Variants in JCAD observed in about 807,000 individuals in gnomAD.
JCAD encodes junctional cadherin 5 associated.
Under a neutral mutation model 98.0 loss-of-function variants are expected in JCAD, and 40 were observed. That is an observed-to-expected ratio of 0.41 (90% CI 0.32 to 0.53). The LOEUF is 0.53. Among genes scored for constraint, JCAD ranks in the 20% least tolerant of loss-of-function variants. The probability of loss-of-function intolerance (pLI) is 0.31; values close to 1 mark genes in which losing one functional copy is unlikely to be tolerated. For missense variants in JCAD, 1,705 were observed against 1,738.1 expected (o/e 0.98, Z 0.34); for synonymous variants, 691 against 682.3 (o/e 1.01, Z -0.20).
intron 2 of JCAD, among the ~76,000 whole-genome samples, chr10:30,065,660 C>T (rs1048072187): frequency 6.6e-6 from 1 of 152,048 alleles, no homozygotes; most frequent in African/African-American, 2.4e-5. Context: ...ACAACCATGC[C>T]CAGCTAATTT....
intron 1 of JCAD, among the ~76,000 whole-genome samples, chr10:30,080,213 C>A (rs1233313058): frequency 2.0e-5 from 3 of 152,160 alleles, no homozygotes; most frequent in Non-Finnish European, 2.9e-5. Flanking sequence ...TTCAAAGCAC[C>A]ACTTGAATCT....
rs936290239 is a variant in JCAD, at chr10:30,014,729, T to C, written c.*3154A>G. On this transcript the variant is annotated 3_prime_UTR_variant, in exon 4 of 4. Transcript: ENST00000375377. ...TTGCTGCTGCAAAAAATGATCACAG[T>C]CTGGTTTCTGAGTCATCTGAGTTTT... The C allele has an allele frequency of 2.0e-5, 3 of 152,278 alleles. 1 individual carries two copies. Among genetic ancestry groups the C allele is most frequent in the Non-Finnish European group, 4.4e-5 (3 of 68,030 alleles). The allele number at this position is 152,278 out of a possible 1,614,324, so 9.4% of individuals were successfully genotyped here.
chr10:30,039,537 C>G (rs1218169775), intron 2 of JCAD, among the ~76,000 whole-genome samples: 1 of 152,178 alleles, frequency 6.6e-6, no homozygotes, highest in Non-Finnish European at 1.5e-5. Context: ...GATTCCCTAA[C>G]TTGAGGAAGA....
Position 30,026,263 on chromosome 10 carries a change from C to G in JCAD, c.3885G>C (p.Gln1295His), listed in dbSNP as rs200392820. Residue 1295 changes from glutamine to histidine, a missense_variant, in exon 3 of 4, where the codon CAG becomes CAC. Gln to His is a conservative substitution (Grantham distance 24). This residue lies in a region of JCAD where 1,278 missense variants were observed against 1,243.1 expected (regional missense o/e 1.03). Transcript: ENST00000375377. The stretch of plus-strand genomic sequence containing the variant: ...ACACAAGGCCTCCCGGGAGCCCGGC[C>G]TGGCCCCTTGTGGTGGCCTTCAATT... ...AEELKATTRG[Q>H]AGLPGGLVSP... The G allele has an allele frequency of 2.0e-4, 315 of 1,613,812 alleles. No homozygotes were observed. Among genetic ancestry groups the G allele is most frequent in the Non-Finnish European group, 2.2e-4 (265 of 1,180,042 alleles).
At chr10:30,047,460 A>G in intron 2 of JCAD, 72 bp downstream of exon 2, 2 of 1,507,590 alleles carry the variant, frequency 1.3e-6, no homozygotes, top group South Asian at 2.6e-5. Flanking sequence ...GATTTGAAAG[A>G]GTTTACCTAC....
At chr10:30,112,008 C>G (rs1241535171) in intron 1 of JCAD, among the ~76,000 whole-genome samples, 2 of 152,172 alleles carry the variant, frequency 1.3e-5, no homozygotes, top group Non-Finnish European at 2.9e-5. Flanking sequence ...AAAACTTGTC[C>G]ACCCATGCTC....
At chr10:30,115,289 C>A (rs570973312) in intron 1 of JCAD, 16 of 152,244 alleles carry the variant, frequency 1.1e-4, no homozygotes, top group African/African-American at 3.4e-4. Context: ...AAGCAGCTGC[C>A]GTTTTTCAGT....
intron 1 of JCAD, among the ~76,000 whole-genome samples, chr10:30,102,179 C>A (rs1341825539): frequency 6.6e-6 from 1 of 151,790 alleles, no homozygotes; most frequent in South Asian, 2.1e-4. Flanking sequence ...AATGTTTTTT[C>A]TTTTTTTGAG....
At chr10:30,086,130 TA>T (rs1187043643) in intron 1 of JCAD, among the ~76,000 whole-genome samples, 12 of 152,026 alleles carry the variant, frequency 7.9e-5, no homozygotes, top group African/African-American at 1.9e-4. Context: ...ACAATTACAT[TA>T]AAAAATTATT....
rs370987325 is a variant in JCAD at position 30,091,230 on chromosome 10, T to C, written n.129-21409A>G. 5.9e-5 allele frequency among the ~76,000 whole-genome samples: 9 copies of C among 152,302 alleles called. No homozygotes were observed. In the East Asian group the frequency reaches 1.5e-3, roughly 26 times the overall value. ...TCTGGACGAGATTCTAATAACATAA[T>C]GGAATCTCTTCCTAAATTTGTCTTT... On this transcript the variant is annotated intron_variant and non_coding_transcript_variant, in intron 1 of 2. Coordinates refer to the JCAD transcript ENST00000465712.
chr10:30,023,693 G>GA (rs1354067738), intron 3 of JCAD, among the ~76,000 whole-genome samples: 2 of 151,310 alleles, frequency 1.3e-5, no homozygotes, highest in African/African-American at 4.9e-5. Context: ...ATGGAGAGGA[G>GA]AAAAAAATAA....
At chr10:30,036,446 G>A (rs1239227165) in intron 2 of JCAD, among the ~76,000 whole-genome samples, 12 of 144,812 alleles carry the variant, frequency 8.3e-5, no homozygotes, top group Admixed American at 4.1e-4. Flanking sequence ...GCAGGACTCC[G>A]TCTCAAAAAA....
chr10:30,047,323 T>C (rs572033755), intron 2 of JCAD, among the ~76,000 whole-genome samples: 27 of 152,336 alleles, frequency 1.8e-4, no homozygotes, highest in Middle Eastern at 3.4e-3. Flanking sequence ...GAGCCGAGAT[T>C]GCACAATTGT....
At chr10:30,069,287 C>T (rs1054967435) in intron 2 of JCAD, among the ~76,000 whole-genome samples, 2 of 151,746 alleles carry the variant, frequency 1.3e-5, no homozygotes, top group Non-Finnish European at 2.9e-5. Flanking sequence ...CTGGGGCTGA[C>T]CAAAGGAGTG....
Position 30,028,655 on chromosome 10 carries a change from CG to C in JCAD, c.1492del (p.Arg498GlyfsTer32). ...RGLVLADSSP[R>X]WLWGQPPGDG... ...CCCGGGGGGCTGGCCCCACAGCCAC[CG>C]GGGGCTGGAATCGGCCAAGACCAGG... On this transcript the variant is annotated frameshift_variant, in exon 3 of 4. Coordinates refer to ENST00000375377, the MANE Select transcript of JCAD (RefSeq NM_020848.4). LOFTEE classifies it high-confidence loss of function. 6.2e-7 allele frequency: 1 copy of C among 1,605,644 alleles called. No individual in the cohort carries two copies. The highest frequency in any genetic ancestry group is 8.5e-7 in the Non-Finnish European group (1 of 1,175,986).
At chr10:30,108,925 A>G (rs868249245) in intron 1 of JCAD, among the ~76,000 whole-genome samples, 1 of 151,908 alleles carries the variant, frequency 6.6e-6, no homozygotes, top group Non-Finnish European at 1.5e-5. Flanking sequence ...CACAGTGAAC[A>G]TTTAAAGAGT....
At chr10:30,018,597 C>T (rs974389568) in intron 3 of JCAD, among the ~76,000 whole-genome samples, 8 of 152,108 alleles carry the variant, frequency 5.3e-5, no homozygotes, top group Admixed American at 2.0e-4. Flanking sequence ...CCCAGATGAC[C>T]TGGATTTCTA....
In JCAD at chr10:30,059,059, G is replaced by A; in HGVS notation, c.-60+423C>T. Reference sequence around the variant, plus strand: ...CCGCGAGATCTGGGCGCGAGGGCGCGGGAGGGGTTGGTGGACACAGGCTGG... The same window carrying A: ...CCGCGAGATCTGGGCGCGAGGGCGCAGGAGGGGTTGGTGGACACAGGCTGG... On this transcript the variant is annotated intron_variant, in intron 1 of 3. Transcript: ENST00000375377. The surrounding 1 kb of genome is among the most constrained non-coding windows in gnomAD (Gnocchi z 5.0). 6.6e-6 allele frequency among the ~76,000 whole-genome samples: 1 copy of A among 152,012 alleles called. No homozygotes were observed. Among genetic ancestry groups the A allele is most frequent in the East Asian group, 1.9e-4 (1 of 5,134 alleles).
intron 3 of JCAD, among the ~76,000 whole-genome samples, chr10:30,021,447 C>T (rs1836658196): frequency 6.6e-6 from 1 of 152,114 alleles, no homozygotes; most frequent in Non-Finnish European, 1.5e-5. Flanking sequence ...CCACCTCTGC[C>T]TCCGAAAGTA....
Sources: allele counts gnomAD v4.1 joint callset (sites outside exome capture counted in the v4.1 genomes callset), GRCh38; gene constraint gnomAD v4.1.1; regional missense constraint gnomAD v4.1.1; non-coding constraint Gnocchi (gnomAD v3.1); transcripts MANE v1.5; gene names NCBI Gene and HGNC (gene_info 2026-07-23, HGNC 2026-07-21).